Variants in HK3 observed in about 807,000 individuals in gnomAD.
The protein encoded by HK3 is hexokinase-3.
A neutral mutation model predicts 91.0 loss-of-function variants in HK3; 93 were observed. The observed-to-expected ratio is 1.02, with a 90% CI of 0.86 to 1.21. The LOEUF (loss-of-function observed/expected upper bound fraction) is 1.21, where lower values mean the gene tolerates loss of function less well. HK3 is among the 50% of genes most tolerant of loss of function. The pLI is 0.00. For synonymous variants in HK3, 519 were observed against 516.9 expected (o/e 1.00, Z -0.06); for missense variants, 1,235 against 1,247.4 (o/e 0.99, Z 0.15).
In HK3 at chr5:176,887,466, T is replaced by G. The variant is rs762357491; in HGVS notation, c.1585A>C (p.Thr529Pro). The G allele has an allele frequency of 2.5e-5, 40 of 1,612,128 alleles. No individual in the cohort carries two copies. Among genetic ancestry groups the G allele is most frequent in the Non-Finnish European group, 3.4e-5 (40 of 1,178,764 alleles). ...AGGTCCTTACCGCTGCCGTCAGGGGTGGCCCGGACGAAAGTGGGCAGCATG... is the reference window on the plus strand; with the variant it reads ...AGGTCCTTACCGCTGCCGTCAGGGGGGGCCCGGACGAAAGTGGGCAGCATG... ...LRMLPTFVRATPDGSERGDFL... is the reference protein window; with the variant it reads ...LRMLPTFVRAPPDGSERGDFL... Residue 529 changes from threonine to proline, a missense_variant, in exon 11 of 19, where the codon ACC becomes CCC. Physicochemically the swap from Thr to Pro is conservative, Grantham distance 38. Transcript: ENST00000292432. The surrounding 1 kb of genome is among the most constrained non-coding windows in gnomAD (Gnocchi z 4.9).
chr5:176,882,524 C>T (rs1283862914), intron 15 of HK3, among the ~76,000 whole-genome samples: 2 of 152,160 alleles, frequency 1.3e-5, no homozygotes, highest in Admixed American at 1.3e-4. Flanking sequence ...AGGTGCTGGG[C>T]CAAGAGCAGG....
At position 176,887,107 on chromosome 5, in the gene HK3, G is replaced by A. The variant is rs766803016; in HGVS notation, c.1752C>T (p.Ile584=). 2.2e-5 allele frequency: 35 copies of A among 1,614,084 alleles called. No individual in the cohort carries two copies. The highest frequency in any genetic ancestry group is 2.7e-5 in the Non-Finnish European group (32 of 1,180,048). The change falls in exon 13 of 19, where the codon ATC becomes ATT. Residue 584 remains isoleucine, a synonymous_variant. Transcript: ENST00000292432. The surrounding 1 kb of genome is among the most constrained non-coding windows in gnomAD (Gnocchi z 4.9). ...GCTGGAAGTCCACGATGCAGTCCAC[G>A]ATGTGGTCAAAGAGCTGTGGGGCAG... The part of the protein sequence containing the change: ...QGSGQQLFDH[I]VDCIVDFQQK...
rs569548073 is a variant in HK3 at position 176,897,648 on chromosome 5, TC to T, written c.-26-1464del. 3.1e-4 allele frequency among the ~76,000 whole-genome samples: 47 copies of T among 152,188 alleles called. 1 individual carries two copies. In the South Asian group the frequency reaches 9.5e-3, roughly 31 times the overall value. ...GTAGTCATTCTCTTTGCTACAGAAT[TC>T]CCCCTGTCCTTGGCTTTCACGGCCA... On this transcript the variant is annotated intron_variant, in intron 1 of 18. Coordinates refer to ENST00000292432, the MANE Select transcript of HK3 (RefSeq NM_002115.3).
At position 176,888,309 on chromosome 5, in the gene HK3, T is replaced by C. The variant is rs747207810; in HGVS notation, c.1304+23A>G. 28 of 1,534,992 alleles carry C rather than the reference T, an allele frequency of 1.8e-5. No individual in the cohort carries two copies. In the South Asian group the frequency reaches 2.4e-4, roughly 13 times the overall value. ...CACACGTGTTCATGCCAACTAATCA[T>C]GCGGATCACGTTTCCACAATACCTG... On this transcript the variant is annotated intron_variant, in intron 10 of 18. Transcript: ENST00000292432.
Position 176,889,502 on chromosome 5 carries a change from G to T in HK3, c.793C>A (p.Arg265=), listed in dbSNP as rs141772552. The change falls in exon 8 of 19, where the codon CGG becomes AGG. Residue 265 remains arginine (R), a synonymous_variant. Transcript: ENST00000292432. The part of the protein sequence containing the change: ...ARHVAVLDED[R]GRVCVSVEWG... Reference sequence around the variant, plus strand: ...TCGACGCTGACGCAGACGCGGCCCCGGTCTTCGTCCAGCACTGCCACATGC... The same window carrying T: ...TCGACGCTGACGCAGACGCGGCCCCTGTCTTCGTCCAGCACTGCCACATGC... The T allele has an allele frequency of 1.9e-6, 3 of 1,614,164 alleles. No individual in the cohort carries two copies. Among genetic ancestry groups the T allele is most frequent in the South Asian group, 1.1e-5 (1 of 91,086 alleles).
intron 1 of HK3, 59 bp from the exon 2 acceptor site, chr5:176,896,244 G>A: frequency 3.2e-6 from 3 of 930,324 alleles, no homozygotes; most frequent in Non-Finnish European, 4.7e-6. Context: ...CTAGGAGTCT[G>A]TAACCCAGAC....
At chr5:176,883,379 A>G (rs1758495340) in intron 15 of HK3, among the ~76,000 whole-genome samples, 1 of 151,980 alleles carries the variant, frequency 6.6e-6, no homozygotes, top group Admixed American at 6.5e-5. Flanking sequence ...CTCCCATTTC[A>G]TCCTCATGAT....
intron 15 of HK3, among the ~76,000 whole-genome samples, chr5:176,882,923 T>C (rs1758481803): frequency 6.6e-6 from 1 of 152,026 alleles, no homozygotes; most frequent in South Asian, 2.1e-4. Flanking sequence ...AGGTGCTGGG[T>C]TCAAAAACCT....
At chr5:176,891,252 C>T (rs1758764848) in intron 3 of HK3, 61 bp from the exon 4 acceptor site, 1 of 1,613,004 alleles carries the variant, frequency 6.2e-7, no homozygotes, top group African/African-American at 1.3e-5. Context: ...CCTCTGCCCA[C>T]TTCCCAAATT....
chr5:176,889,219 TTCCTTCTTTGAACCTGGCCAGGGCCCCCA>T (rs1415964061), intron 8 of HK3, among the ~76,000 whole-genome samples, 133 bp downstream of exon 8: 4 of 152,338 alleles, frequency 2.6e-5, no homozygotes, highest in African/African-American at 9.6e-5. Flanking sequence ...CTTTGGGCCC[TTCCTTCTTTGAACCTGGCCAGGGCCCCCA>T]GGTTGCTCCC....
chr5:176,884,750 A>G lies in HK3; in HGVS notation c.1858-616T>C, dbSNP rs1758538529. ...ACACGGGGCTCAACTTTACCTGGAA[A>G]GGAATGCTGTTTTCTTAGTGTGCGT... On this transcript the variant is annotated intron_variant, in intron 13 of 18. Transcript: ENST00000292432. The surrounding 1 kb of genome is among the most constrained non-coding windows in gnomAD (Gnocchi z 4.1). Among the ~76,000 whole-genome samples the G allele has an allele frequency of 1.3e-5, 2 of 152,324 alleles. No individual in the cohort carries two copies. Among genetic ancestry groups the G allele is most frequent in the South Asian group, 2.1e-4 (1 of 4,828 alleles).
At position 176,890,636 on chromosome 5, in the gene HK3, C is replaced by G. The variant is rs930091038; in HGVS notation, c.629G>C (p.Gly210Ala). ...QLLRDAIRRQ[G>A]AYNIDVVAVV... ...CCTGTCACCCCTCCCTCCACTCACC[C>G]CCTGCCTCCGAATGGCATCTCTCAG... is the stretch of plus-strand genomic sequence containing the variant. The change falls in exon 6 of 19, where the codon GGG (glycine) becomes GCG (alanine). Residue 210 changes from glycine (G) to alanine (A), a missense_variant and splice_region_variant. Physicochemically the swap from Gly to Ala is moderately conservative, Grantham distance 60. Around this residue, in one of 3 missense-constraint regions of HK3, gnomAD observed 717 missense variants for 751.6 expected, o/e 0.95. Coordinates refer to ENST00000292432, the MANE Select transcript of HK3 (RefSeq NM_002115.3). 3.1e-6 allele frequency: 5 copies of G among 1,613,932 alleles called. No homozygotes were observed. The highest frequency in any genetic ancestry group is 4.2e-6 in the Non-Finnish European group (5 of 1,179,788).
At chr5:176,881,638 A>T in intron 17 of HK3, 54 bp downstream of exon 17, 1 of 1,607,184 alleles carries the variant, frequency 6.2e-7, no homozygotes, top group Non-Finnish European at 8.5e-7. Context: ...GCAATCCCCC[A>T]CAGTGGACAG....
rs751366758 is a variant in HK3 at position 176,888,714 on chromosome 5, C to T, written c.1065G>A (p.Met355Ile). ...CCACCATCTCCCCGACTCACTCCTCCATCTCAGCCACGTGTTCCAGGAGGA... is the reference window on the plus strand; with the variant it reads ...CCACCATCTCCCCGACTCACTCCTCTATCTCAGCCACGTGTTCCAGGAGGA... Reference protein sequence around the residue: ...GSILLEHVAEMEDPSTGAARV... With the variant: ...GSILLEHVAEIEDPSTGAARV... The change falls in exon 9 of 19, where the codon ATG (methionine) becomes ATA (isoleucine). Residue 355 changes from methionine to isoleucine, a missense_variant. This residue lies in a region of HK3 where 717 missense variants were observed against 751.6 expected (regional missense o/e 0.95). Transcript: ENST00000292432. 1.2e-6 allele frequency: 2 copies of T among 1,614,230 alleles called. No individual in the cohort carries two copies. The highest frequency in any genetic ancestry group is 4.5e-5 in the East Asian group (2 of 44,886).
chr5:176,891,671 A>T (rs1758779714), intron 2 of HK3, 121 bp from the exon 3 acceptor site: 1 of 986,820 alleles, frequency 1.0e-6, no homozygotes, highest in Non-Finnish European at 1.5e-6. Context: ...ATACACCCTG[A>T]CTCTCTTGCC....
intron 6 of HK3, 121 bp from the exon 7 acceptor site, chr5:176,889,865 G>A (rs1665928614): frequency 1.3e-6 from 1 of 748,422 alleles, no homozygotes; most frequent in Non-Finnish European, 2.3e-6. Context: ...TGAAACACAT[G>A]TCTGCATGCC....
At position 176,887,628 on chromosome 5, in the gene HK3, G is replaced by C; in HGVS notation, c.1423C>G (p.Arg475Gly). 1 of 1,613,514 alleles carries C rather than the reference G, an allele frequency of 6.2e-7. No homozygotes were observed. The highest frequency in any genetic ancestry group is 8.5e-7 in the Non-Finnish European group (1 of 1,179,890). The change falls in exon 11 of 19, where the codon CGT becomes GGT. Residue 475 changes from arginine to glycine, a missense_variant. Transcript: ENST00000292432. The surrounding 1 kb of genome is among the most constrained non-coding windows in gnomAD (Gnocchi z 4.9). ...AGCAGGCGCCGGTGGGCAGCCAGAC[G>C]GGCAGCCACGGCAGTCACCATCGCC... ...GVAMVTAVAA[R>G]LAAHRRLLEE... is the part of the protein sequence containing the mutation.
At chr5:176,886,851 G>T in intron 13 of HK3, 151 bp downstream of exon 13, 1 of 874,786 alleles carries the variant, frequency 1.1e-6, no homozygotes, top group Non-Finnish European at 1.7e-6. Flanking sequence ...GGAAACTGAG[G>T]CTGTGTGCAA....
chr5:176,882,849 C>T (rs1015663694), intron 15 of HK3, among the ~76,000 whole-genome samples: 2 of 152,184 alleles, frequency 1.3e-5, no homozygotes, highest in Non-Finnish European at 2.9e-5. Context: ...CCTGGAGCTC[C>T]TCTGTCCAGC....
Sources: gnomAD v4.1 joint callset for allele counts (sites outside exome capture counted in the v4.1 genomes callset) on GRCh38, gnomAD v4.1.1 for gene constraint, gnomAD v4.1.1 regional missense constraint, Gnocchi (gnomAD v3.1) non-coding constraint, MANE v1.5 for transcripts, NCBI Gene and HGNC (gene_info 2026-07-23, HGNC 2026-07-21) for gene names.